The following RBFOX1 variants were observed in gnomAD, a reference collection of about 807,000 sequenced individuals.
RBFOX1 encodes RNA binding protein fox-1 homolog 1.
Under a neutral mutation model 57.7 loss-of-function variants are expected in RBFOX1, and 8 were observed. The observed-to-expected ratio is 0.14, with a 90% CI of 0.08 to 0.25. RBFOX1 has a LOEUF of 0.25. Ranked by LOEUF, RBFOX1 falls within the 10% of genes least tolerant of loss-of-function variation. The pLI, the probability that RBFOX1 is intolerant of heterozygous loss-of-function variation, is 1.00. For synonymous variants in RBFOX1, 326 were observed against 222.4 expected, an observed-to-expected ratio of 1.47 and a Z score of -4.15; for missense variants, 611 against 548.5, an observed-to-expected ratio of 1.11 and a Z score of -1.14.
intron 1 of RBFOX1, among the ~76,000 whole-genome samples, chr16:5,416,940 T>A (rs2067177851): frequency 6.6e-6 from 1 of 152,168 alleles, no homozygotes; most frequent in Non-Finnish European, 1.5e-5. Flanking sequence ...AGGGGATGGC[T>A]TATGGAACAG....
chr16:6,472,374 C>T (rs1004370925), intron 2 of RBFOX1, among the ~76,000 whole-genome samples: 15 of 152,166 alleles, frequency 9.9e-5, no homozygotes, highest in Admixed American at 4.6e-4. Context: ...GCTTCCTTCC[C>T]ATCCTGTAAA....
intron 2 of RBFOX1, among the ~76,000 whole-genome samples, chr16:6,623,897 A>G (rs144714196): frequency 0.056 from 8,598 of 152,250 alleles, 320 homozygotes; most frequent in African/African-American, 0.084. Context: ...TAGTGCCGCA[A>G]TAAACATGTG....
chr16:6,359,557 C>T (rs970046981), intron 2 of RBFOX1, among the ~76,000 whole-genome samples: 3 of 152,144 alleles, frequency 2.0e-5, no homozygotes, highest in African/African-American at 7.2e-5. Context: ...TAGCCACATG[C>T]TTGTGTTAAC....
intron 3 of RBFOX1, among the ~76,000 whole-genome samples, chr16:5,859,631 G>C (rs1419092143): frequency 6.6e-6 from 1 of 152,160 alleles, no homozygotes; most frequent in Non-Finnish European, 1.5e-5. Flanking sequence ...AGGGTTTTGT[G>C]ACAGGGAGGA....
intron 4 of RBFOX1, among the ~76,000 whole-genome samples, chr16:7,433,835 C>G (rs979948275): frequency 1.4e-4 from 21 of 152,070 alleles, no homozygotes; most frequent in African/African-American, 4.8e-4. Flanking sequence ...TTATTTAACA[C>G]CTGTGTGTGC....
intron 4 of RBFOX1, among the ~76,000 whole-genome samples, chr16:7,228,032 G>T (rs2093260741): frequency 1.3e-5 from 2 of 152,104 alleles, no homozygotes; most frequent in South Asian, 2.1e-4. Context: ...CCACCCACCA[G>T]GTTGTGATGA....
intron 3 of RBFOX1, among the ~76,000 whole-genome samples, chr16:5,775,182 C>G (rs951038348): frequency 6.6e-6 from 1 of 152,186 alleles, no homozygotes; most frequent in South Asian, 2.1e-4. Flanking sequence ...TATTCTGGAG[C>G]TTTTGGAATA....
Position 7,219,575 on chromosome 16 carries a change from A to C in RBFOX1, c.27+167477A>C, listed in dbSNP as rs1011291726. Among the ~76,000 whole-genome samples the C allele has an allele frequency of 1.3e-5, 2 of 152,192 alleles. 1 individual carries two copies. Among genetic ancestry groups the C allele is most frequent in the East Asian group, 3.9e-4 (2 of 5,184 alleles). ...CTTGCTATTTTGTAGTGCCCAGAAA[A>C]TATGAGGCATAGCTGTTGTAGAAAG... On this transcript the variant is annotated intron_variant, in intron 4 of 15. Coordinates refer to ENST00000550418, the MANE Select transcript of RBFOX1 (RefSeq NM_018723.4).
Position 5,826,129 on chromosome 16 carries a change from T to TA in RBFOX1, c.319-41173dup, listed in dbSNP as rs1424810809. ...AATATTCCTTAATATGAATAAGGAA[T>TA]ATTATTCCTTATATATATTATTATA... is the stretch of plus-strand genomic sequence containing the variant. On this transcript the variant is annotated intron_variant, in intron 3 of 19. Coordinates refer to the RBFOX1 transcript ENST00000641259. Among the ~76,000 whole-genome samples the TA allele has an allele frequency of 1.9e-3, 280 of 147,454 alleles. 12 individuals carry two copies. Among genetic ancestry groups the TA allele is most frequent in the African/African-American group, 2.9e-3 (118 of 40,536 alleles).
At chr16:5,325,894 A>T in intron 1 of RBFOX1, among the ~76,000 whole-genome samples, 1 of 152,222 alleles carries the variant, frequency 6.6e-6, no homozygotes, top group East Asian at 1.9e-4. Context: ...CACATTCATG[A>T]ACAGGTTTTT....
At chr16:6,654,963 G>A (rs1323582500) in intron 3 of RBFOX1, among the ~76,000 whole-genome samples, 1 of 150,308 alleles carries the variant, frequency 6.7e-6, no homozygotes, top group East Asian at 2.0e-4. Flanking sequence ...GAATATTGAT[G>A]TTGACGTTCA....
At chr16:5,656,246 AT>A (rs1365786255) in intron 3 of RBFOX1, among the ~76,000 whole-genome samples, 1 of 152,206 alleles carries the variant, frequency 6.6e-6, no homozygotes, top group East Asian at 1.9e-4. Flanking sequence ...GTGAACAGTA[AT>A]AGCTTTCACA....
At chr16:7,012,735 G>A (rs1203969546) in intron 3 of RBFOX1, among the ~76,000 whole-genome samples, 1 of 152,196 alleles carries the variant, frequency 6.6e-6, no homozygotes, top group African/African-American at 2.4e-5. Context: ...TTGGGAAGCT[G>A]TGCACACTGG....
rs568667884 is a variant in RBFOX1 at position 6,223,652 on chromosome 16, G to A, written c.-126-93343G>A. On this transcript the variant is annotated intron_variant, in intron 1 of 15. Transcript: ENST00000550418. Reference sequence around the variant, plus strand: ...AAAATTTTCTCCCATTTTGTAGGTCGCCTGTTCACTCTGATGGTAGTTTCC... The same window carrying A: ...AAAATTTTCTCCCATTTTGTAGGTCACCTGTTCACTCTGATGGTAGTTTCC... 1.3e-3 allele frequency among the ~76,000 whole-genome samples: 192 copies of A among 152,146 alleles called. 2 individuals carry two copies. The highest frequency in any genetic ancestry group is 4.3e-3 in the African/African-American group (179 of 41,510).
intron 4 of RBFOX1, among the ~76,000 whole-genome samples, chr16:7,433,464 A>T (rs1435268413): frequency 6.6e-6 from 1 of 152,254 alleles, no homozygotes; most frequent in Non-Finnish European, 1.5e-5. Flanking sequence ...TAGAGCAGAT[A>T]CAAAACAGTG....
chr16:5,468,311 A>G (rs73528610), intron 2 of RBFOX1, among the ~76,000 whole-genome samples: 4,638 of 152,186 alleles, frequency 0.03, 261 homozygotes, highest in African/African-American at 0.11. Context: ...CATCATGCCA[A>G]AGTAAAGCCC....
chr16:6,083,581 A>T (rs538442246), intron 1 of RBFOX1, among the ~76,000 whole-genome samples: 7 of 152,132 alleles, frequency 4.6e-5, no homozygotes, highest in African/African-American at 1.4e-4. Context: ...GGCTCAGATG[A>T]TCCTCCAGCC....
At chr16:6,320,126 A>G (rs998691321) in intron 2 of RBFOX1, among the ~76,000 whole-genome samples, 3 of 152,162 alleles carry the variant, frequency 2.0e-5, no homozygotes, top group African/African-American at 7.2e-5. Flanking sequence ...ACAGATAAGA[A>G]GAAGGTGGAG....
At chr16:6,515,026 A>C (rs189933598) in intron 2 of RBFOX1, among the ~76,000 whole-genome samples, 217 of 152,248 alleles carry the variant, frequency 1.4e-3, no homozygotes, top group African/African-American at 4.8e-3. Flanking sequence ...CATCTTTGAC[A>C]CAAGCTTCAA....
Sources: gnomAD v4.1 joint callset for allele counts (sites outside exome capture counted in the v4.1 genomes callset) on GRCh38, gnomAD v4.1.1 for gene constraint, MANE v1.5 for transcripts, NCBI Gene and HGNC (gene_info 2026-07-23, HGNC 2026-07-21) for gene names.